The following SGCD variants were observed in gnomAD, a reference collection of about 807,000 sequenced individuals.
The protein encoded by SGCD is delta-sarcoglycan.
A neutral mutation model predicts 36.6 loss-of-function variants in SGCD; 18 were observed. The observed-to-expected ratio is 0.49, with a 90% CI of 0.34 to 0.73. The LOEUF (loss-of-function observed/expected upper bound fraction) is 0.73. Ranked by LOEUF, SGCD falls within the 30% of genes least tolerant of loss-of-function variation. The probability of loss-of-function intolerance (pLI) is 0.01; values close to 1 mark genes in which losing one functional copy is unlikely to be tolerated. For missense variants in SGCD, 387 were observed against 346.7 expected (o/e 1.12, Z -0.92); for synonymous variants, 133 against 130.6 (o/e 1.02, Z -0.12).
intron 1 of SGCD, among the ~76,000 whole-genome samples, chr5:156,042,882 G>A (rs1411532937): frequency 2.0e-5 from 3 of 152,164 alleles, no homozygotes; most frequent in African/African-American, 7.2e-5. Context: ...GCAGAACTGG[G>A]CTCTTCTCAG....
intron 2 of SGCD, among the ~76,000 whole-genome samples, chr5:156,331,045 A>G (rs1320887778): frequency 3.3e-5 from 5 of 152,220 alleles, no homozygotes; most frequent in Non-Finnish European, 7.3e-5. Context: ...ATTAATACAT[A>G]TAGTTAAGAT....
At chr5:156,365,132 A>G (rs1329117624) in intron 3 of SGCD, among the ~76,000 whole-genome samples, 2 of 152,254 alleles carry the variant, frequency 1.3e-5, no homozygotes, top group Non-Finnish European at 2.9e-5. Flanking sequence ...TCTAAGATGT[A>G]CAAATGGTCA....
chr5:156,327,709 A>C (rs1411680277), intron 1 of SGCD, among the ~76,000 whole-genome samples: 1 of 152,176 alleles, frequency 6.6e-6, no homozygotes, highest in Non-Finnish European at 1.5e-5. Context: ...CAGAGTTTGA[A>C]GTTTCTACGT....
intron 2 of SGCD, among the ~76,000 whole-genome samples, chr5:156,335,069 G>A (rs1768274541): frequency 6.6e-6 from 1 of 152,172 alleles, no homozygotes; most frequent in East Asian, 1.9e-4. Context: ...TTTATGAAAT[G>A]GTTTTAATTA....
At chr5:156,124,013 T>G (rs1157587649) in exon 3 of SGCD, 3 of 152,184 alleles carry the variant, frequency 2.0e-5, no homozygotes, top group Non-Finnish European at 2.9e-5. Context: ...AGTTTAGGAC[T>G]GCTAAGGTAT....
intron 2 of SGCD, among the ~76,000 whole-genome samples, chr5:156,340,783 G>A (rs531193172): frequency 2.6e-5 from 4 of 152,272 alleles, no homozygotes; most frequent in East Asian, 1.9e-4. Flanking sequence ...CATTTGTTCC[G>A]GGAAGGAATA....
At chr5:155,823,014 C>G in the SGCD span, among the ~76,000 whole-genome samples, 1 of 152,102 alleles carries the variant, frequency 6.6e-6, no homozygotes, top group Non-Finnish European at 1.5e-5. Flanking sequence ...CTGTATCTCT[C>G]TCTCTCTCCA....
intron 7 of SGCD, among the ~76,000 whole-genome samples, chr5:156,671,493 C>T (rs1479259974): frequency 3.9e-5 from 6 of 151,970 alleles, no homozygotes; most frequent in Non-Finnish European, 7.4e-5. Flanking sequence ...AGGCTGGTCT[C>T]GAACTCTGGA....
intron 3 of SGCD, among the ~76,000 whole-genome samples, chr5:156,369,998 A>G (rs566262331): frequency 1.7e-4 from 26 of 152,298 alleles, no homozygotes; most frequent in Non-Finnish European, 3.4e-4. Context: ...CAGGTTGTCT[A>G]ACTTGGTTAA....
At chr5:156,576,048 A>G (rs558584387) in intron 4 of SGCD, among the ~76,000 whole-genome samples, 14 of 152,142 alleles carry the variant, frequency 9.2e-5, no homozygotes, top group Non-Finnish European at 1.8e-4. Context: ...TACATTAGGT[A>G]TTTCTCTTAA....
Position 156,164,234 on chromosome 5 carries a change from A to G in SGCD, c.-44+40215A>G, listed in dbSNP as rs575013224. On this transcript the variant is annotated intron_variant, in intron 3 of 9. Transcript: ENST00000517913. ...TGTGTGTATTTGAGCAGAGAATGGG[A>G]CCTGAGAGTCATTTTTGGACTTGAG... Among the ~76,000 whole-genome samples, 12 of 151,590 alleles carry G rather than the reference A, an allele frequency of 7.9e-5. No homozygotes were observed. In the East Asian group the frequency reaches 2.3e-3, roughly 29 times the overall value.
At chr5:155,742,036 G>A in the SGCD span, among the ~76,000 whole-genome samples, 1 of 152,080 alleles carries the variant, frequency 6.6e-6, no homozygotes, top group South Asian at 2.1e-4. Context: ...CTGAGAAGAG[G>A]GCTCCATTCA....
intron 6 of SGCD, among the ~76,000 whole-genome samples, chr5:156,633,421 C>T (rs1243219869): frequency 1.3e-5 from 2 of 152,154 alleles, no homozygotes; most frequent in Admixed American, 1.3e-4. Flanking sequence ...TTGATGGAAT[C>T]TGACTCATAA....
intron 1 of SGCD, among the ~76,000 whole-genome samples, chr5:155,906,722 T>G (rs1002428671): frequency 1.3e-5 from 2 of 152,036 alleles, no homozygotes; most frequent in Non-Finnish European, 2.9e-5. Context: ...AGCTAGCAGA[T>G]GTTGGTTCAT....
chr5:156,124,771 A>AG (rs1762131437), intron 3 of SGCD, among the ~76,000 whole-genome samples: 1 of 151,934 alleles, frequency 6.6e-6, no homozygotes, highest in Non-Finnish European at 1.5e-5. Flanking sequence ...GGACAGATGG[A>AG]GGGAGGGGAG....
chr5:155,844,616 T>C, the SGCD span, among the ~76,000 whole-genome samples: 2 of 152,184 alleles, frequency 1.3e-5, no homozygotes, highest in African/African-American at 4.8e-5. Context: ...TCAAGTGTTT[T>C]CCAGTCACTT....
intron 3 of SGCD, among the ~76,000 whole-genome samples, chr5:156,162,987 G>T (rs1047011897): frequency 5.3e-5 from 8 of 151,376 alleles, no homozygotes; most frequent in African/African-American, 2.0e-4. Context: ...CAGCTAACAG[G>T]CTTGCTTTTC....
At chr5:156,529,470 G>A (rs1757791202) in intron 4 of SGCD, among the ~76,000 whole-genome samples, 1 of 148,474 alleles carries the variant, frequency 6.7e-6, no homozygotes, top group Admixed American at 6.7e-5. Context: ...ATGGTCATGT[G>A]GTCTTAAAAT....
chr5:156,176,161 G>A (rs952610275), intron 3 of SGCD, among the ~76,000 whole-genome samples: 4 of 151,902 alleles, frequency 2.6e-5, no homozygotes, highest in African/African-American at 4.8e-5. Flanking sequence ...GTTTGTGTGC[G>A]TGTGGTGATC....
Sources: gnomAD v4.1 joint callset for allele counts (sites outside exome capture counted in the v4.1 genomes callset) on GRCh38, gnomAD v4.1.1 for gene constraint, MANE v1.5 for transcripts, NCBI Gene and HGNC (gene_info 2026-07-23, HGNC 2026-07-21) for gene names.